The following PPP2R1B variants were observed in gnomAD, a reference collection of about 807,000 sequenced individuals.
PPP2R1B encodes protein phosphatase 2 scaffold subunit Abeta.
In PPP2R1B, 58 loss-of-function variants were observed where a neutral mutation model predicts 72.7. The observed-to-expected ratio is 0.80, with a 90% confidence interval of 0.65 to 0.99. The LOEUF is 0.99. Among genes scored for constraint, PPP2R1B ranks in the 50% least tolerant of loss-of-function variants. The pLI, the probability that PPP2R1B is intolerant of heterozygous loss-of-function variation, is 0.00. For missense variants in PPP2R1B, 695 were observed against 733.6 expected (o/e 0.95, Z 0.61); for synonymous variants, 256 against 264.6 (o/e 0.97, Z 0.32).
chr11:111,756,755 A>C lies in PPP2R1B; in HGVS notation c.688-1305T>G, dbSNP rs1945134302. ...ATGGGATTAATGAACTCAACTTTCC[A>C]AATGTAAACAGCCAATGTCAACGTG... On this transcript the variant is annotated intron_variant, in intron 5 of 14. Transcript: ENST00000527614. 3.3e-5 allele frequency among the ~76,000 whole-genome samples: 5 copies of C among 152,248 alleles called. No individual in the cohort carries two copies. The South Asian group carries it at 1.0e-3, about 31-fold the overall frequency.
chr11:111,753,868 CT>C (rs1945005609), intron 8 of PPP2R1B, among the ~76,000 whole-genome samples: 1 of 151,998 alleles, frequency 6.6e-6, no homozygotes, highest in South Asian at 2.1e-4. Context: ...ATCCTCTTAC[CT>C]TGGCCTCTCA....
At chr11:111,704,628 C>T in the PPP2R1B span, among the ~76,000 whole-genome samples, 1 of 152,140 alleles carries the variant, frequency 6.6e-6, no homozygotes, top group Non-Finnish European at 1.5e-5. Context: ...GCTCAGGTTG[C>T]TAACTGACCT....
At chr11:111,762,402 C>T (rs1945360225) in intron 3 of PPP2R1B, among the ~76,000 whole-genome samples, 1 of 152,170 alleles carries the variant, frequency 6.6e-6, no homozygotes, top group East Asian at 1.9e-4. Flanking sequence ...AACCCCCTCT[C>T]GTGCAGTACC....
At chr11:111,757,095 C>G (rs535870374) in intron 5 of PPP2R1B, among the ~76,000 whole-genome samples, 1 of 142,048 alleles carries the variant, frequency 7.0e-6, no homozygotes, top group Non-Finnish European at 1.5e-5. Flanking sequence ...GCCTGGGTGA[C>G]AGAGCAAAAC....
chr11:111,738,890 G>GTGTA lies in PPP2R1B; in HGVS notation c.*2705_*2706insTACA, dbSNP rs1944425077. 1 of 897,922 alleles carries GTGTA rather than the reference G, an allele frequency of 1.1e-6. No homozygotes were observed. Among genetic ancestry groups the GTGTA allele is most frequent in the Non-Finnish European group, 1.3e-6 (1 of 763,848 alleles). 55.6% of individuals were successfully genotyped at this position (897,922 alleles called of 1,614,324 possible). A position where few individuals can be genotyped will look rare whatever the true frequency, so the allele number is the denominator to read the frequency against. On this transcript the variant is annotated 3_prime_UTR_variant, in exon 15 of 15. Coordinates refer to ENST00000527614, the MANE Select transcript of PPP2R1B (RefSeq NM_002716.5). ...TGGCATAGGTTATATGTTTGTGTGT[G>GTGTA]TGTGTGTGTGTGTGTGTGTGTGTGT...
At chr11:111,761,797 A>G (rs561365642) in intron 3 of PPP2R1B, among the ~76,000 whole-genome samples, 2 of 152,294 alleles carry the variant, frequency 1.3e-5, no homozygotes, top group South Asian at 4.1e-4. Flanking sequence ...TGTCTCTACA[A>G]AAAATACAAA....
At chr11:111,696,758 CAT>C in the PPP2R1B span, among the ~76,000 whole-genome samples, 482 of 152,256 alleles carry the variant, frequency 3.2e-3, 3 homozygotes, top group African/African-American at 0.011. Context: ...CAGTGGTTGA[CAT>C]GTGTATGGAA....
chr11:111,718,518 C>T, the PPP2R1B span, among the ~76,000 whole-genome samples: 1 of 152,212 alleles, frequency 6.6e-6, no homozygotes, highest in Non-Finnish European at 1.5e-5. Flanking sequence ...CCACCTTACC[C>T]GAGTGAGGGC....
rs367676195 is a variant in PPP2R1B, at chr11:111,754,991, T to C, written c.947A>G (p.His316Arg). The C allele has an allele frequency of 5.6e-6, 9 of 1,610,386 alleles. No individual in the cohort carries two copies. Among genetic ancestry groups the C allele is most frequent in the Admixed American group, 3.3e-5 (2 of 59,748 alleles). The change falls in exon 7 of 15, where the codon CAC becomes CGC. Residue 316 changes from histidine to arginine, a missense_variant. His to Arg is a conservative substitution (Grantham distance 29). Coordinates refer to ENST00000527614, the MANE Select transcript of PPP2R1B (RefSeq NM_002716.5). ...CEAEVRAAAAHKVKELGENLP... is the reference protein window; with the variant it reads ...CEAEVRAAAARKVKELGENLP... ...TTGAACTCCTTAACCTTTTACTTTG[T>C]GGGCAGCAGCTGCCCGGACTTCAGC...
chr11:111,720,796 C>T, the PPP2R1B span: 14 of 1,570,128 alleles, frequency 8.9e-6, no homozygotes, highest in African/African-American at 4.1e-5. Context: ...TTGAAACTCG[C>T]GTCGTAGGAG....
downstream of PPP2R1B, among the ~76,000 whole-genome samples, chr11:111,734,518 C>A (rs1008947263): frequency 6.6e-6 from 1 of 152,244 alleles, no homozygotes; most frequent in African/African-American, 2.4e-5. Context: ...CTAGGCCCCA[C>A]AGTGGAGAGG....
chr11:111,751,226 A>C (rs1362008384), intron 10 of PPP2R1B, among the ~76,000 whole-genome samples: 1 of 152,174 alleles, frequency 6.6e-6, no homozygotes, highest in East Asian at 1.9e-4. Context: ...TTTTGCTTAG[A>C]ATACAAGGCA....
the PPP2R1B span, among the ~76,000 whole-genome samples, chr11:111,718,148 G>T: frequency 1.3e-5 from 2 of 152,168 alleles, no homozygotes; most frequent in African/African-American, 4.8e-5. Flanking sequence ...GACGGAGGCC[G>T]TAAGTGTAAG....
chr11:111,765,481 G>C (rs1413787625), intron 1 of PPP2R1B, 97 bp from the exon 2 acceptor site: 3 of 953,666 alleles, frequency 3.1e-6, no homozygotes, highest in African/African-American at 1.6e-5. Context: ...ATGACACAGG[G>C]GTAAGAATGA....
intron 3 of PPP2R1B, among the ~76,000 whole-genome samples, chr11:111,764,411 A>C (rs1334091413): frequency 2.0e-5 from 3 of 152,194 alleles, no homozygotes; most frequent in South Asian, 4.1e-4. Flanking sequence ...GACTCTCAAT[A>C]AATGTCAATT....
rs184794640 is a variant in PPP2R1B, at chr11:111,742,210, T to C, written c.1698-66A>G. The C allele has an allele frequency of 1.7e-4, 206 of 1,224,760 alleles. 1 individual carries two copies. The highest frequency in any genetic ancestry group is 7.0e-4 in the Admixed American group (36 of 51,256). The allele number at this position is 1,224,760 out of a possible 1,614,324, so 75.9% of individuals were successfully genotyped here. On this transcript the variant is annotated intron_variant, in intron 13 of 14. Transcript: ENST00000527614. ...GGCCATAGAAATCCTTTTTGGTGTA[T>C]ATGGTTAATGGTAATTGTTAAAATT...
chr11:111,708,791 T>G, the PPP2R1B span, among the ~76,000 whole-genome samples: 23 of 152,114 alleles, frequency 1.5e-4, no homozygotes, highest in Admixed American at 1.4e-3. Context: ...TCTTGCAATG[T>G]TGCCTAGGCT....
the PPP2R1B span, among the ~76,000 whole-genome samples, chr11:111,719,374 T>G: frequency 2.1e-5 from 2 of 96,884 alleles, no homozygotes; most frequent in Admixed American, 2.3e-4. Context: ...TTTTTTTTTT[T>G]TAGCAATGAG....
At chr11:111,748,320 A>C (rs1249336547) in intron 10 of PPP2R1B, among the ~76,000 whole-genome samples, 2 of 152,396 alleles carry the variant, frequency 1.3e-5, no homozygotes, top group South Asian at 2.1e-4. Context: ...TGGTCTGCCA[A>C]GCAAATCTGG....
Sources: gnomAD v4.1 joint callset for allele counts (sites outside exome capture counted in the v4.1 genomes callset) on GRCh38, gnomAD v4.1.1 for gene constraint, MANE v1.5 for transcripts, NCBI Gene and HGNC (gene_info 2026-07-23, HGNC 2026-07-21) for gene names.